KCNH8: variants seen among roughly 807,000 people sequenced by gnomAD.
KCNH8 encodes the protein potassium voltage-gated channel subfamily H member 8.
In KCNH8, 70 loss-of-function variants were observed where a neutral mutation model predicts 103.6. That is an observed-to-expected ratio of 0.68 (90% CI 0.56 to 0.82). KCNH8 has a LOEUF of 0.82. Ranked by LOEUF, KCNH8 falls within the 40% of genes least tolerant of loss-of-function variation. The probability of loss-of-function intolerance (pLI) is 0.00; values close to 1 mark genes in which losing one functional copy is unlikely to be tolerated. For missense variants in KCNH8, 1,217 were observed against 1,329.9 expected, an observed-to-expected ratio of 0.92 and a Z score of 1.32; for synonymous variants, 498 against 489.4, an observed-to-expected ratio of 1.02 and a Z score of -0.23.
At chr3:19,463,119 G>A (rs1468744941) in intron 11 of KCNH8, among the ~76,000 whole-genome samples, 2 of 152,142 alleles carry the variant, frequency 1.3e-5, no homozygotes, top group Non-Finnish European at 2.9e-5. Flanking sequence ...ATGATTTAGA[G>A]TATACAGGAG....
rs538348694 is a variant in KCNH8, at chr3:19,197,494, A to T, written c.76+48699A>T. On this transcript the variant is annotated intron_variant, in intron 1 of 15. Coordinates refer to ENST00000328405, the MANE Select transcript of KCNH8 (RefSeq NM_144633.3). The stretch of plus-strand genomic sequence containing the variant: ...TCTGTTTAGACATTTAGCAGTTAAT[A>T]TTAACAGTTGTCTTTGGGGTATGTA... Among the ~76,000 whole-genome samples the T allele has an allele frequency of 2.0e-5, 3 of 152,194 alleles. No individual in the cohort carries two copies. In the South Asian group the frequency reaches 6.2e-4, roughly 32 times the overall value.
chr3:19,356,029 A>G (rs1313903417), intron 5 of KCNH8, among the ~76,000 whole-genome samples: 1 of 151,890 alleles, frequency 6.6e-6, no homozygotes, highest in Non-Finnish European at 1.5e-5. Context: ...AAAGTAGTAC[A>G]AAAAGGGTCT....
At chr3:19,427,568 A>G (rs189553532) in intron 7 of KCNH8, among the ~76,000 whole-genome samples, 1 of 152,226 alleles carries the variant, frequency 6.6e-6, no homozygotes, top group Non-Finnish European at 1.5e-5. Flanking sequence ...GACCTATATC[A>G]ATATCTTGCA....
intron 8 of KCNH8, among the ~76,000 whole-genome samples, chr3:19,438,571 T>A (rs2067234567): frequency 6.6e-6 from 1 of 152,186 alleles, no homozygotes; most frequent in Non-Finnish European, 1.5e-5. Flanking sequence ...CACAAGAGCA[T>A]GCATTTAAGA....
intron 14 of KCNH8, among the ~76,000 whole-genome samples, chr3:19,516,202 A>T (rs1014002692): frequency 1.3e-5 from 2 of 152,174 alleles, no homozygotes; most frequent in African/African-American, 4.8e-5. Context: ...AAGTTCTAAA[A>T]TCCTTGTATT....
chr3:19,481,099 G>T (rs1283121712), intron 11 of KCNH8, among the ~76,000 whole-genome samples: 1 of 152,000 alleles, frequency 6.6e-6, no homozygotes, highest in African/African-American at 2.4e-5. Context: ...TAGATGGAAG[G>T]GCACAATTCT....
At chr3:19,260,466 AAT>A (rs1484828331) in intron 2 of KCNH8, among the ~76,000 whole-genome samples, 1 of 131,338 alleles carries the variant, frequency 7.6e-6, no homozygotes, top group Non-Finnish European at 1.6e-5. Context: ...GTGTATATTT[AAT>A]ATATGTATTA....
At chr3:19,350,690 A>G (rs1310564866) in intron 5 of KCNH8, among the ~76,000 whole-genome samples, 1 of 152,116 alleles carries the variant, frequency 6.6e-6, no homozygotes, top group East Asian at 1.9e-4. Context: ...GAAAACTAAC[A>G]AACAGAAAGG....
chr3:19,448,872 C>T (rs754023062), intron 8 of KCNH8: 25 of 621,694 alleles, frequency 4.0e-5, no homozygotes, highest in Non-Finnish European at 5.4e-5. Context: ...CTGAATATTA[C>T]TTAGAGTTGA....
At chr3:19,521,041 T>G (rs1475357273) in intron 15 of KCNH8, among the ~76,000 whole-genome samples, 1 of 152,000 alleles carries the variant, frequency 6.6e-6, no homozygotes, top group Admixed American at 6.6e-5. Flanking sequence ...CAGCATAGTA[T>G]GAAATAGTGC....
intron 15 of KCNH8, among the ~76,000 whole-genome samples, chr3:19,527,532 G>A (rs908092823): frequency 6.6e-6 from 1 of 152,050 alleles, no homozygotes; most frequent in Non-Finnish European, 1.5e-5. Context: ...AGGAGGGTGA[G>A]AAGTAGCATT....
chr3:19,491,658 G>C, intron 11 of KCNH8, among the ~76,000 whole-genome samples: 1 of 152,196 alleles, frequency 6.6e-6, no homozygotes, highest in South Asian at 2.1e-4. Flanking sequence ...ATATGAGTGA[G>C]CATTTCTTTT....
chr3:19,341,890 TACAATGTACATACCACTGCCAG>T (rs1401673111), intron 3 of KCNH8, among the ~76,000 whole-genome samples: 2 of 152,136 alleles, frequency 1.3e-5, no homozygotes, highest in Non-Finnish European at 2.9e-5. Flanking sequence ...TACCAAAATT[TACAATGTACATACCACTGCCAG>T]TAATTTATTT....
At chr3:19,403,080 A>T (rs569254140) in intron 7 of KCNH8, among the ~76,000 whole-genome samples, 1 of 151,926 alleles carries the variant, frequency 6.6e-6, no homozygotes, top group South Asian at 2.1e-4. Flanking sequence ...GTTTTCTCTC[A>T]AAAGATCTTA....
chr3:19,315,506 T>C (rs1472870719), intron 3 of KCNH8, among the ~76,000 whole-genome samples: 1 of 152,022 alleles, frequency 6.6e-6, no homozygotes, highest in Non-Finnish European at 1.5e-5. Context: ...TACTTCCTGC[T>C]ACCCAACACA....
chr3:19,385,257 A>T (rs751755368), intron 5 of KCNH8, among the ~76,000 whole-genome samples: 1 of 152,182 alleles, frequency 6.6e-6, no homozygotes, highest in Non-Finnish European at 1.5e-5. Context: ...ACTTACATTG[A>T]TTTGATCTTT....
In KCNH8 at chr3:19,244,509, G is replaced by A. The variant is rs538670148; in HGVS notation, c.77-9145G>A. Reference sequence around the variant, plus strand: ...CAGTAATGGGATTGCTGGGTTGAATGGTAGTTCTGTTTTATATTCTTTGAG... The same window carrying A: ...CAGTAATGGGATTGCTGGGTTGAATAGTAGTTCTGTTTTATATTCTTTGAG... On this transcript the variant is annotated intron_variant, in intron 1 of 15. Coordinates refer to ENST00000328405, the MANE Select transcript of KCNH8 (RefSeq NM_144633.3). 5.6e-4 allele frequency among the ~76,000 whole-genome samples: 85 copies of A among 152,262 alleles called. 2 individuals carry two copies. The highest frequency in any genetic ancestry group is 1.9e-3 in the African/African-American group (81 of 41,560).
chr3:19,412,656 G>A (rs551846870), intron 7 of KCNH8, among the ~76,000 whole-genome samples: 4 of 151,786 alleles, frequency 2.6e-5, no homozygotes, highest in South Asian at 2.1e-4. Flanking sequence ...GTCTAATGTC[G>A]AAGATATGTA....
intron 7 of KCNH8, among the ~76,000 whole-genome samples, chr3:19,401,399 T>C (rs1034406988): frequency 6.6e-6 from 1 of 152,070 alleles, no homozygotes; most frequent in Non-Finnish European, 1.5e-5. Flanking sequence ...ACATAGTTTA[T>C]TTCTGATGGA....
Sources: gnomAD v4.1 joint callset for allele counts (sites outside exome capture counted in the v4.1 genomes callset) on GRCh38, gnomAD v4.1.1 for gene constraint, MANE v1.5 for transcripts, NCBI Gene and HGNC (gene_info 2026-07-23, HGNC 2026-07-21) for gene names.